Variants in IQGAP2 observed in about 807,000 individuals in gnomAD.
The protein encoded by IQGAP2 is IQ motif containing GTPase activating protein 2, also known as ras GTPase-activating-like protein IQGAP2.
Under a neutral mutation model 201.3 loss-of-function variants are expected in IQGAP2, and 173 were observed. The ratio of observed to expected loss-of-function variants is 0.86; its 90% CI spans 0.76 to 0.98. The LOEUF is 0.98. IQGAP2 is among the 50% of genes least tolerant of loss of function. The pLI, the probability that IQGAP2 is intolerant of heterozygous loss-of-function variation, is 0.00. For synonymous variants in IQGAP2, 675 were observed against 673.9 expected (o/e 1.00, Z -0.03); for missense variants, 1,687 against 1,864.8 (o/e 0.90, Z 1.76).
intron 17 of IQGAP2, among the ~76,000 whole-genome samples, chr5:76,647,147 T>G (rs1752109221): frequency 6.6e-6 from 1 of 152,206 alleles, no homozygotes. Context: ...GAATGCATGT[T>G]CTTTTCCCTA....
chr5:76,434,069 A>G (rs1752521631), intron 1 of IQGAP2, among the ~76,000 whole-genome samples: 1 of 152,234 alleles, frequency 6.6e-6, no homozygotes. Flanking sequence ...GGAAAAAATA[A>G]TCTAAAAGTA....
chr5:76,598,361 G>C lies in IQGAP2; in HGVS notation c.1071+759G>C, dbSNP rs1009518911. Among the ~76,000 whole-genome samples the C allele has an allele frequency of 3.3e-5, 5 of 152,208 alleles. No homozygotes were observed. In the South Asian group the frequency reaches 8.3e-4, roughly 25 times the overall value. On this transcript the variant is annotated intron_variant, in intron 10 of 35. Coordinates refer to ENST00000274364, the MANE Select transcript of IQGAP2 (RefSeq NM_006633.5). ...TAAGGAAAAACACAGGACAGTCATT[G>C]GATCTTTAAAGTCACAATCAGCACT...
chr5:76,606,432 A>G, intron 12 of IQGAP2, 129 bp downstream of exon 12: 2 of 599,130 alleles, frequency 3.3e-6, no homozygotes, highest in Non-Finnish European at 5.5e-6. Flanking sequence ...GCTAATATGC[A>G]TACCTTTATT....
intron 22 of IQGAP2, among the ~76,000 whole-genome samples, chr5:76,668,171 C>T (rs544801907): frequency 1.3e-5 from 2 of 152,196 alleles, no homozygotes; most frequent in South Asian, 2.1e-4. Flanking sequence ...GTGTGAGCCA[C>T]CATGCCCAAG....
At chr5:76,683,022 G>C (rs1745436379) in intron 28 of IQGAP2, 93 bp from the exon 29 acceptor site, 1 of 682,464 alleles carries the variant, frequency 1.5e-6, no homozygotes, top group Non-Finnish European at 2.5e-6. Context: ...GATTTAAATG[G>C]TATGAGGAGG....
intron 4 of IQGAP2, 54 bp from the exon 5 acceptor site, chr5:76,575,639 A>G: frequency 8.7e-7 from 1 of 1,151,696 alleles, no homozygotes; most frequent in Admixed American, 2.1e-5. Context: ...TGGGAAGTTA[A>G]AATACTTGTG....
intron 2 of IQGAP2, among the ~76,000 whole-genome samples, chr5:76,526,812 A>G (rs1759001990): frequency 6.6e-6 from 1 of 152,234 alleles, no homozygotes; most frequent in South Asian, 2.1e-4. Flanking sequence ...ACATGTGATA[A>G]TAGTCTAGTT....
chr5:76,493,252 C>T (rs974662898), intron 2 of IQGAP2, among the ~76,000 whole-genome samples: 3 of 152,092 alleles, frequency 2.0e-5, no homozygotes, highest in Admixed American at 6.5e-5. Context: ...CCAAAGTCCT[C>T]ATGAAGATCC....
intron 27 of IQGAP2, 105 bp downstream of exon 27, chr5:76,674,814 G>A (rs1393825948): frequency 1.8e-5 from 14 of 793,192 alleles, no homozygotes; most frequent in Non-Finnish European, 2.5e-5. Flanking sequence ...AGGAACCCCA[G>A]GTGGTTACAA....
intron 13 of IQGAP2, among the ~76,000 whole-genome samples, chr5:76,626,011 T>A (rs372296336): frequency 6.2e-4 from 94 of 152,338 alleles, no homozygotes; most frequent in African/African-American, 1.9e-3. Flanking sequence ...TCAGGGCTGC[T>A]TTTGTAGCAG....
At chr5:76,415,877 G>A (rs148885141) in intron 1 of IQGAP2, among the ~76,000 whole-genome samples, 22 of 151,938 alleles carry the variant, frequency 1.4e-4, no homozygotes, top group African/African-American at 4.8e-4. Flanking sequence ...CCCAGGAGGT[G>A]GAGGTTGCAG....
At chr5:76,510,942 C>T (rs1422465362) in intron 2 of IQGAP2, among the ~76,000 whole-genome samples, 7 of 152,226 alleles carry the variant, frequency 4.6e-5, no homozygotes, top group Non-Finnish European at 1.0e-4. Flanking sequence ...TCATGCTGAA[C>T]AGTGTGGGAG....
chr5:76,630,859 C>T (rs112714456), intron 14 of IQGAP2, among the ~76,000 whole-genome samples: 2 of 146,540 alleles, frequency 1.4e-5, no homozygotes, highest in African/African-American at 5.1e-5. Context: ...AAGTTCTCCC[C>T]TTCATCTATA....
At position 76,640,977 on chromosome 5, in the gene IQGAP2, A is replaced by G. The variant is rs368537160; in HGVS notation, c.1968A>G (p.Ile656Met). The G allele has an allele frequency of 1.3e-5, 21 of 1,607,016 alleles. No individual in the cohort carries two copies. Among genetic ancestry groups the G allele is most frequent in the Non-Finnish European group, 1.7e-5 (20 of 1,174,066 alleles). ...EVTVGYIREN[I>M]WSASEELLLR... ...CAGTAGGTTACATTCGTGAGAATAT[A>G]TGGTCTGCTTCAGAAGAGTTGCTTC... The change falls in exon 17 of 36, where the codon ATA (isoleucine) becomes ATG (methionine). Residue 656 changes from isoleucine to methionine, a missense_variant. Ile to Met is a conservative substitution (Grantham distance 10). Coordinates refer to ENST00000274364, the MANE Select transcript of IQGAP2 (RefSeq NM_006633.5).
intron 1 of IQGAP2, among the ~76,000 whole-genome samples, chr5:76,455,636 C>T (rs6898214): frequency 0.48 from 73,005 of 151,726 alleles, 18,627 homozygotes; most frequent in African/African-American, 0.64. Context: ...AAATTATTTT[C>T]GTAAAGCCTA....
intron 33 of IQGAP2, among the ~76,000 whole-genome samples, chr5:76,698,436 T>G (rs1746957015): frequency 6.6e-6 from 1 of 152,206 alleles, no homozygotes; most frequent in Non-Finnish European, 1.5e-5. Context: ...CCTTTTGTCT[T>G]TTTTAGCCAA....
intron 2 of IQGAP2, among the ~76,000 whole-genome samples, chr5:76,508,553 A>T (rs1394671992): frequency 5.3e-5 from 8 of 151,452 alleles, no homozygotes; most frequent in Non-Finnish European, 1.5e-5. Context: ...AGAATTTAAT[A>T]AAGATCAGAC....
intron 13 of IQGAP2, chr5:76,623,497 C>A: frequency 2.2e-6 from 1 of 462,068 alleles, no homozygotes; most frequent in Non-Finnish European, 3.8e-6. Flanking sequence ...AACTCTTACC[C>A]ACCCCCAACA....
At chr5:76,621,117 C>T (rs921086312) in intron 13 of IQGAP2, among the ~76,000 whole-genome samples, 1 of 152,138 alleles carries the variant, frequency 6.6e-6, no homozygotes, top group African/African-American at 2.4e-5. Flanking sequence ...CTCAAAATTC[C>T]TCCATATTGA....
Sources: allele counts gnomAD v4.1 joint callset (sites outside exome capture counted in the v4.1 genomes callset), GRCh38; gene constraint gnomAD v4.1.1; transcripts MANE v1.5; gene names NCBI Gene and HGNC (gene_info 2026-07-23, HGNC 2026-07-21).